The following ANKRD24 variants were observed in gnomAD, a reference collection of about 807,000 sequenced individuals.
ANKRD24 encodes ankyrin repeat domain-containing protein 24.
ANKRD24 carries 109 observed loss-of-function variants against 127.8 expected under a neutral mutation model. The ratio of observed to expected loss-of-function variants is 0.85; its 90% CI spans 0.73 to 1.00. The LOEUF (loss-of-function observed/expected upper bound fraction) is 1.00, where lower values mean the gene tolerates loss of function less well. Among genes scored for constraint, ANKRD24 ranks in the 50% least tolerant of loss-of-function variants. The pLI, the probability that ANKRD24 is intolerant of heterozygous loss-of-function variation, is 0.00. For missense variants in ANKRD24, 1,648 were observed against 1,570.2 expected (o/e 1.05, Z -0.84); for synonymous variants, 743 against 671.1 (o/e 1.11, Z -1.66).
Position 4,219,712 on chromosome 19 carries a change from G to A in ANKRD24, c.3125G>A (p.Ser1042Asn). The A allele has an allele frequency of 6.2e-7, 1 of 1,613,520 alleles. No homozygotes were observed. Among genetic ancestry groups the A allele is most frequent in the South Asian group, 1.1e-5 (1 of 91,040 alleles). The change falls in exon 19 of 22, where the codon AGC (serine) becomes AAC (asparagine). Residue 1042 changes from serine (S) to asparagine (N), a missense_variant. Coordinates refer to ENST00000318934, the MANE Select transcript of ANKRD24 (RefSeq NM_001393985.1). ...TEAERARQAQSRAQEALDKAK... is the reference protein window; with the variant it reads ...TEAERARQAQNRAQEALDKAK... ...GCGGAAAGGGCTCGCCAGGCCCAGA[G>A]CCGGGCCCAGGAGGCTCTGGACAAG...
Position 4,198,405 on chromosome 19 carries a change from C to T in ANKRD24, c.37-1278C>T. 2 of 469,020 alleles carry T rather than the reference C, an allele frequency of 4.3e-6. No homozygotes were observed. Among genetic ancestry groups the T allele is most frequent in the South Asian group, 3.8e-5 (1 of 26,558 alleles). 29.1% of individuals were successfully genotyped at this position (469,020 alleles called of 1,614,324 possible). On this transcript the variant is annotated intron_variant, in intron 2 of 21. Transcript: ENST00000318934. The surrounding 1 kb of genome is among the most constrained non-coding windows in gnomAD (Gnocchi z 6.1). The stretch of plus-strand genomic sequence containing the variant: ...TCCGGCAGCGCCCAGCCCCGCCCTC[C>T]GGCCGCTCCCCGCGGTCCCTCCAGA...
intron 2 of ANKRD24, 47 bp downstream of exon 2, chr19:4,186,508 C>T: frequency 6.4e-7 from 1 of 1,564,954 alleles, no homozygotes; most frequent in African/African-American, 1.4e-5. Flanking sequence ...CAACTTCAGC[C>T]TTCTGTCTCC....
Position 4,219,687 on chromosome 19 carries a change from G to A in ANKRD24, c.3100G>A (p.Ala1034Thr), listed in dbSNP as rs575182715. 2.5e-6 allele frequency: 4 copies of A among 1,613,734 alleles called. No individual in the cohort carries two copies. The highest frequency in any genetic ancestry group is 3.4e-6 in the Non-Finnish European group (4 of 1,179,834). The stretch of plus-strand genomic sequence containing the variant: ...GCAGCTACGGGGGCTACGGACCGAG[G>A]CGGAAAGGGCTCGCCAGGCCCAGAG... ...EQQLRGLRTE[A>T]ERARQAQSRA... is the part of the protein sequence containing the mutation. Residue 1034 changes from alanine (A) to threonine (T), a missense_variant, in exon 19 of 22, where the codon GCG becomes ACG. Physicochemically the swap from Ala to Thr is moderately conservative, Grantham distance 58 (BLOSUM62 0). Coordinates refer to ENST00000318934, the MANE Select transcript of ANKRD24 (RefSeq NM_001393985.1).
intron 18 of ANKRD24, among the ~76,000 whole-genome samples, chr19:4,218,540 T>C (rs1032730653): frequency 2.6e-5 from 4 of 152,000 alleles, no homozygotes; most frequent in Non-Finnish European, 5.9e-5. Flanking sequence ...CCTCAGGTGA[T>C]CCACCCACCT....
intron 2 of ANKRD24, among the ~76,000 whole-genome samples, chr19:4,190,134 C>T (rs965257886): frequency 6.6e-6 from 1 of 152,090 alleles, no homozygotes; most frequent in South Asian, 2.1e-4. Context: ...CCCTCCTGCA[C>T]AGTCAAAAAT....
At chr19:4,220,887 G>A (rs978995100) in intron 19 of ANKRD24, among the ~76,000 whole-genome samples, 10 of 147,490 alleles carry the variant, frequency 6.8e-5, no homozygotes, top group Admixed American at 1.4e-4. Context: ...TTCCTGCAAC[G>A]CTAAAAGCCA....
chr19:4,224,562 T>C lies in ANKRD24; in HGVS notation c.*57T>C. 6.7e-7 allele frequency: 1 copy of C among 1,500,868 alleles called. No homozygotes were observed. Among genetic ancestry groups the C allele is most frequent in the South Asian group, 1.2e-5 (1 of 84,016 alleles). 93.0% of individuals were successfully genotyped at this position (1,500,868 alleles called of 1,614,324 possible). ...CACCCACGCAGGGACCTCACCCCCC[T>C]GCAGGCCCCTTGCAGACCGGCTTCA... On this transcript the variant is annotated 3_prime_UTR_variant, in exon 22 of 22. Transcript: ENST00000318934.
Position 4,217,144 on chromosome 19 carries a change from G to C in ANKRD24, c.1984G>C (p.Ala662Pro). ...GGCCTACGGAGTGGGTGCTGGGCAA[G>C]CAGAGCCCCCAGTCACAGGGACCAC... ...MQAYGVGAGQ[A>P]EPPVTGTTNM... Residue 662 changes from alanine to proline, a missense_variant, in exon 18 of 22, where the codon GCA becomes CCA. By Grantham distance (27) the Ala-to-Pro change is conservative. Transcript: ENST00000318934. The C allele has an allele frequency of 6.2e-7, 1 of 1,613,514 alleles. No homozygotes were observed.
chr19:4,224,625 G>A lies in ANKRD24; in HGVS notation c.*120G>A, dbSNP rs147599787. The A allele has an allele frequency of 6.6e-5, 64 of 972,790 alleles. No homozygotes were observed. The African/African-American group carries it at 9.2e-4, about 14-fold the overall frequency. The allele number at this position is 972,790 out of a possible 1,614,324, so 60.3% of individuals were successfully genotyped here. A position where few individuals can be genotyped will look rare whatever the true frequency, so the allele number is the denominator to read the frequency against. ...TGGCCCTATCCAGGCCCATGCACTT[G>A]GAGACCAGCCTGGTTCCCTGCCCGA... On this transcript the variant is annotated 3_prime_UTR_variant, in exon 22 of 22. Coordinates refer to ENST00000318934, the MANE Select transcript of ANKRD24 (RefSeq NM_001393985.1).
In ANKRD24 at chr19:4,217,969, G is replaced by C; in HGVS notation, c.2809G>C (p.Glu937Gln). 6.6e-7 allele frequency: 1 copy of C among 1,518,436 alleles called. No individual in the cohort carries two copies. The highest frequency in any genetic ancestry group is 2.6e-5 in the East Asian group (1 of 38,274). 94.1% of individuals were successfully genotyped at this position (1,518,436 alleles called of 1,614,324 possible). ...GCTGCGGGGCCGGGCAGCCAGTCTG[G>C]AGCAGGAGGTGGTGGCCACGGGCAA... is the stretch of plus-strand genomic sequence containing the variant. ...LELRGRAASL[E>Q]QEVVATGKEA... Residue 937 changes from glutamate to glutamine, a missense_variant, in exon 18 of 22, where the codon GAG (glutamate) becomes CAG (glutamine). Coordinates refer to ENST00000318934, the MANE Select transcript of ANKRD24 (RefSeq NM_001393985.1).
At position 4,186,417 on chromosome 19, in the gene ANKRD24, G is replaced by T; in HGVS notation, c.-9G>T. 1 of 1,586,662 alleles carries T rather than the reference G, an allele frequency of 6.3e-7. No homozygotes were observed. On this transcript the variant is annotated 5_prime_UTR_variant, in exon 2 of 22. Transcript: ENST00000318934. ...GGCCTGTGGAGAGGAGAAACACAGG[G>T]CACCAACTATGAAGACTCTCAGGGC...
At chr19:4,223,397 ATATATT>A (rs1485978757) in intron 20 of ANKRD24, among the ~76,000 whole-genome samples, 569 of 54,574 alleles carry the variant, frequency 0.01, 9 homozygotes, top group Admixed American at 0.038. Context: ...ATATATATAT[ATATATT>A]TTTTTTTTTT....
rs171291 is a variant in ANKRD24, at chr19:4,195,222, A to G, written c.37-4461A>G. ...CGAGTAGCTGGGACTACAGGCGCCCACCACCACGCCCGGCTAATTTTTTGT... is the reference window on the plus strand; with the variant it reads ...CGAGTAGCTGGGACTACAGGCGCCCGCCACCACGCCCGGCTAATTTTTTGT... On this transcript the variant is annotated intron_variant, in intron 2 of 21. Coordinates refer to ENST00000318934, the MANE Select transcript of ANKRD24 (RefSeq NM_001393985.1). The surrounding 1 kb of genome is among the most constrained non-coding windows in gnomAD (Gnocchi z 4.2). 0.38 allele frequency among the ~76,000 whole-genome samples: 57,801 copies of G among 151,584 alleles called. 12,302 individuals are homozygous for G. Among genetic ancestry groups the G allele is most frequent in the Non-Finnish European group, 0.49 (33,283 of 67,848 alleles).
intron 20 of ANKRD24, among the ~76,000 whole-genome samples, chr19:4,223,379 A>T (rs1176713530): frequency 2.7e-5 from 1 of 36,692 alleles, no homozygotes; most frequent in Non-Finnish European, 5.2e-5. Flanking sequence ...ATACATATAT[A>T]TATATATATA....
At position 4,222,653 on chromosome 19, in the gene ANKRD24, A is replaced by G. The variant is rs1242089455; in HGVS notation, c.3172-17A>G. 6.3e-7 allele frequency: 1 copy of G among 1,588,448 alleles called. No homozygotes were observed. Among genetic ancestry groups the G allele is most frequent in the Non-Finnish European group, 8.6e-7 (1 of 1,160,826 alleles). On this transcript the variant is annotated splice_polypyrimidine_tract_variant and intron_variant, in intron 19 of 21. Transcript: ENST00000318934. ...CTCTGGGCTTAGGGTGATCGCTGAC[A>G]GCACCTGCACCCTCAGATCACAGAA...
Position 4,217,797 on chromosome 19 carries a change from C to A in ANKRD24, c.2637C>A (p.Asp879Glu). The A allele has an allele frequency of 7.4e-7, 1 of 1,346,092 alleles. No individual in the cohort carries two copies. The highest frequency in any genetic ancestry group is 9.5e-7 in the Non-Finnish European group (1 of 1,053,766). The allele number at this position is 1,346,092 out of a possible 1,614,324, so 83.4% of individuals were successfully genotyped here. The change falls in exon 18 of 22, where the codon GAC becomes GAA. Residue 879 changes from aspartate (D) to glutamate (E), a missense_variant. Transcript: ENST00000318934. ...CCGCGGAACTGGGCCGGGCACGGGACGCCGCTGAGGCCCGAGTGGCTGAGC... is the reference window on the plus strand; with the variant it reads ...CCGCGGAACTGGGCCGGGCACGGGAAGCCGCTGAGGCCCGAGTGGCTGAGC... The part of the protein sequence containing the change: ...TAAAELGRAR[D>E]AAEARVAELP...
intron 19 of ANKRD24, among the ~76,000 whole-genome samples, chr19:4,222,239 A>G (rs980888504): frequency 3.9e-5 from 6 of 152,174 alleles, no homozygotes; most frequent in African/African-American, 1.2e-4. Flanking sequence ...AAATAGAAAC[A>G]TTAGCCAGAT....
Position 4,209,481 on chromosome 19 carries a change from G to A in ANKRD24, c.871-577G>A, listed in dbSNP as rs192467969. ...TTTATTTTTTGAGAGATGGAGTCTCGCCCTGTCACCCAGGCTGGAGTGCAA... is the reference window on the plus strand; with the variant it reads ...TTTATTTTTTGAGAGATGGAGTCTCACCCTGTCACCCAGGCTGGAGTGCAA... On this transcript the variant is annotated intron_variant, in intron 11 of 21. Coordinates refer to ENST00000318934, the MANE Select transcript of ANKRD24 (RefSeq NM_001393985.1). Among the ~76,000 whole-genome samples the A allele has an allele frequency of 2.2e-4, 32 of 147,880 alleles. No homozygotes were observed. In the East Asian group the frequency reaches 6.3e-3, roughly 29 times the overall value.
At chr19:4,185,612 G>A (rs1207848767) in intron 1 of ANKRD24, among the ~76,000 whole-genome samples, 4 of 152,208 alleles carry the variant, frequency 2.6e-5, no homozygotes, top group Non-Finnish European at 4.4e-5. Context: ...GTGGACAGAA[G>A]TGCACGTGTG....
Sources: gnomAD v4.1 joint callset for allele counts (sites outside exome capture counted in the v4.1 genomes callset) on GRCh38, gnomAD v4.1.1 for gene constraint, Gnocchi (gnomAD v3.1) non-coding constraint, MANE v1.5 for transcripts, NCBI Gene and HGNC (gene_info 2026-07-23, HGNC 2026-07-21) for gene names.